Variants in ASXL3 observed in about 807,000 individuals in gnomAD.
ASXL3 encodes the protein putative Polycomb group protein ASXL3.
Under a neutral mutation model 170.6 loss-of-function variants are expected in ASXL3, and 34 were observed. The ratio of observed to expected loss-of-function variants is 0.20; its 90% CI spans 0.15 to 0.27. The LOEUF (loss-of-function observed/expected upper bound fraction) is 0.27, where lower values mean the gene tolerates loss of function less well. Ranked by LOEUF, ASXL3 falls within the 10% of genes least tolerant of loss-of-function variation. The probability of loss-of-function intolerance (pLI) is 1.00; values close to 1 mark genes in which losing one functional copy is unlikely to be tolerated. For missense variants in ASXL3, 2,592 were observed against 2,695.3 expected (o/e 0.96, Z 0.85); for synonymous variants, 1,002 against 989.1 (o/e 1.01, Z -0.24).
In ASXL3 at chr18:33,733,819, C is replaced by T. The variant is rs565992259; in HGVS notation, c.977-491C>T. On this transcript the variant is annotated intron_variant, in intron 9 of 11. Coordinates refer to ENST00000269197, the MANE Select transcript of ASXL3 (RefSeq NM_030632.3). ...AATTACTTTATAAAAGCCTGAGCAA[C>T]CTTCAAAATCTAACTCAAGAATCAG... 3.3e-5 allele frequency among the ~76,000 whole-genome samples: 5 copies of T among 152,194 alleles called. No homozygotes were observed. The South Asian group carries it at 1.0e-3, about 32-fold the overall frequency.
Position 33,743,350 on chromosome 18 carries a change from C to T in ASXL3, c.3502C>T (p.Pro1168Ser), listed in dbSNP as rs1599571437. The T allele has an allele frequency of 6.2e-7, 1 of 1,613,704 alleles. No homozygotes were observed. Among genetic ancestry groups the T allele is most frequent in the Non-Finnish European group, 8.5e-7 (1 of 1,179,856 alleles). ...VIIVNPNCRS[P>S]SNKSAHLRET... ...TATTGTCAATCCAAACTGTAGATCT[C>T]CTAGCAACAAGTCTGCCCACCTCCG... is the stretch of plus-strand genomic sequence containing the variant. Residue 1168 changes from proline to serine, a missense_variant, in exon 12 of 12, where the codon CCT becomes TCT. Pro to Ser is a moderately conservative substitution (Grantham distance 74, BLOSUM62 -1). This residue lies in a region of ASXL3 where 2,246 missense variants were observed against 2,219.6 expected (regional missense o/e 1.01). Coordinates refer to ENST00000269197, the MANE Select transcript of ASXL3 (RefSeq NM_030632.3).
In ASXL3 at chr18:33,628,688, G is replaced by A. The variant is rs76203005; in HGVS notation, c.138-16206G>A. Among the ~76,000 whole-genome samples the A allele has an allele frequency of 9.7e-3, 1,475 of 152,268 alleles. 15 individuals carry two copies. Among genetic ancestry groups the A allele is most frequent in the Non-Finnish European group, 0.014 (925 of 68,004 alleles). On this transcript the variant is annotated intron_variant, in intron 2 of 11. Coordinates refer to ENST00000269197, the MANE Select transcript of ASXL3 (RefSeq NM_030632.3). Reference sequence around the variant, plus strand: ...TATCTGAGGAAAGACAGCATTTGAAGACAAATATCAGGTGTTTACTGTTTA... The same window carrying A: ...TATCTGAGGAAAGACAGCATTTGAAAACAAATATCAGGTGTTTACTGTTTA...
intron 8 of ASXL3, among the ~76,000 whole-genome samples, chr18:33,706,046 T>C (rs2066950146): frequency 6.6e-6 from 1 of 152,002 alleles, no homozygotes; most frequent in South Asian, 2.1e-4. Flanking sequence ...GTAGCAACAG[T>C]TCTCATTGCT....
intron 3 of ASXL3, among the ~76,000 whole-genome samples, chr18:33,645,471 G>C (rs2065903347): frequency 6.6e-6 from 1 of 151,786 alleles, no homozygotes; most frequent in Non-Finnish European, 1.5e-5. Flanking sequence ...TGATCTCAAG[G>C]AAGTTTTACT....
At chr18:33,602,110 C>A (rs1159623505) in intron 1 of ASXL3, among the ~76,000 whole-genome samples, 1 of 151,696 alleles carries the variant, frequency 6.6e-6, no homozygotes, top group African/African-American at 2.4e-5. Context: ...GCTGATTGTT[C>A]TTAAGTGTGA....
chr18:33,627,192 AAGGCC>A (rs1332794268), intron 2 of ASXL3: 3 of 152,142 alleles, frequency 2.0e-5, no homozygotes, highest in African/African-American at 7.2e-5. Flanking sequence ...TGGACAACTG[AAGGCC>A]AGGCAGTGCG....
At chr18:33,604,391 TA>T (rs1239115884) in intron 1 of ASXL3, among the ~76,000 whole-genome samples, 1 of 152,076 alleles carries the variant, frequency 6.6e-6, no homozygotes, top group Non-Finnish European at 1.5e-5. Context: ...GAATGATGTA[TA>T]AAATTCCTCG....
At chr18:33,607,365 C>G (rs963874825) in intron 1 of ASXL3, among the ~76,000 whole-genome samples, 1 of 151,884 alleles carries the variant, frequency 6.6e-6, no homozygotes, top group African/African-American at 2.4e-5. Context: ...GGTATGTACG[C>G]CTTTGTGACA....
At chr18:33,580,934 G>A (rs555927218) in intron 1 of ASXL3, among the ~76,000 whole-genome samples, 4 of 152,202 alleles carry the variant, frequency 2.6e-5, no homozygotes, top group Admixed American at 6.5e-5. Context: ...GCAAGGAATC[G>A]TACTGGAAAT....
intron 8 of ASXL3, among the ~76,000 whole-genome samples, chr18:33,710,456 C>T (rs2067038811): frequency 6.6e-6 from 1 of 152,132 alleles, no homozygotes; most frequent in South Asian, 2.1e-4. Context: ...CTTCATTTTT[C>T]CATTTGAGTT....
At chr18:33,591,017 T>G (rs971193383) in intron 1 of ASXL3, among the ~76,000 whole-genome samples, 1 of 152,244 alleles carries the variant, frequency 6.6e-6, no homozygotes, top group African/African-American at 2.4e-5. Flanking sequence ...TGATATTAAC[T>G]TACCGAAGAG....
At chr18:33,608,956 A>AT in intron 2 of ASXL3, 1 of 903,394 alleles carries the variant, frequency 1.1e-6, no homozygotes, top group Non-Finnish European at 1.3e-6. Flanking sequence ...TCAAATTTTC[A>AT]TTTTTTATTT....
chr18:33,744,878 A>C lies in ASXL3; in HGVS notation c.5030A>C (p.Lys1677Thr). ...AAATCTGAACTTCACGAAGCAGACA[A>C]GGGCTTTAGAATGGACACTGAAGAC... ...PVKSELHEAD[K>T]GFRMDTEDFP... The change falls in exon 12 of 12, where the codon AAG (lysine) becomes ACG (threonine). Residue 1677 changes from lysine (K) to threonine (T), a missense_variant. Lys to Thr is a moderately conservative substitution (Grantham distance 78). Transcript: ENST00000269197. 6.2e-7 allele frequency: 1 copy of C among 1,614,058 alleles called. No homozygotes were observed. The highest frequency in any genetic ancestry group is 1.1e-5 in the South Asian group (1 of 91,084).
rs763915321 is a variant in ASXL3, at chr18:33,746,193, C to T, written c.6345C>T (p.Phe2115=). ...QNEMKEQLKA[F]ALKSADFSSY... ...AAATGAAAGAACAGTTAAAAGCATT[C>T]GCGCTAAAAAGTGCAGATTTCTCTT... The change falls in exon 12 of 12, where the codon TTC becomes TTT. Residue 2115 remains phenylalanine, a synonymous_variant. Coordinates refer to ENST00000269197, the MANE Select transcript of ASXL3 (RefSeq NM_030632.3). The T allele has an allele frequency of 1.1e-5, 17 of 1,613,712 alleles. No homozygotes were observed. Among genetic ancestry groups the T allele is most frequent in the Admixed American group, 5.0e-5 (3 of 59,966 alleles).
intron 11 of ASXL3, among the ~76,000 whole-genome samples, 152 bp downstream of exon 11, chr18:33,740,595 A>G (rs564146640): frequency 6.6e-6 from 1 of 152,188 alleles, no homozygotes; most frequent in Admixed American, 6.5e-5. Context: ...CCTCTTTATG[A>G]CTATGTACTG....
At chr18:33,609,332 A>G (rs907211025) in intron 2 of ASXL3, among the ~76,000 whole-genome samples, 3 of 151,978 alleles carry the variant, frequency 2.0e-5, no homozygotes, top group Non-Finnish European at 4.4e-5. Flanking sequence ...GAATCTGCCA[A>G]CTTGGACATA....
intron 2 of ASXL3, among the ~76,000 whole-genome samples, chr18:33,621,178 A>G (rs2065507284): frequency 1.3e-5 from 2 of 152,200 alleles, no homozygotes; most frequent in Admixed American, 1.3e-4. Context: ...TCACAAATCA[A>G]TAAACTAAGG....
intron 2 of ASXL3, chr18:33,626,669 C>G (rs2065608707): frequency 6.6e-6 from 1 of 152,036 alleles, no homozygotes; most frequent in Non-Finnish European, 1.5e-5. Context: ...CCTTAACAGG[C>G]AGCACCAGGT....
chr18:33,693,738 A>C (rs1303102730), intron 8 of ASXL3, among the ~76,000 whole-genome samples: 1 of 152,184 alleles, frequency 6.6e-6, no homozygotes, highest in Non-Finnish European at 1.5e-5. Flanking sequence ...CTAAATATTT[A>C]TGCATTTATC....
Sources: allele counts gnomAD v4.1 joint callset (sites outside exome capture counted in the v4.1 genomes callset), GRCh38; gene constraint gnomAD v4.1.1; regional missense constraint gnomAD v4.1.1; transcripts MANE v1.5; gene names NCBI Gene and HGNC (gene_info 2026-07-23, HGNC 2026-07-21).